The following ARHGEF28 variants were observed in gnomAD, a reference collection of about 807,000 sequenced individuals.
ARHGEF28 encodes the protein 190 kDa guanine nucleotide exchange factor.
In ARHGEF28, 152 loss-of-function variants were observed where a neutral mutation model predicts 206.6. The observed-to-expected ratio is 0.74, with a 90% confidence interval of 0.64 to 0.84. The LOEUF is 0.84. Among genes scored for constraint, ARHGEF28 ranks in the 40% least tolerant of loss-of-function variants. The probability of loss-of-function intolerance (pLI) is 0.00; values close to 1 mark genes in which losing one functional copy is unlikely to be tolerated. For missense variants in ARHGEF28, 2,028 were observed against 2,073.2 expected (o/e 0.98, Z 0.42); for synonymous variants, 763 against 776.4 (o/e 0.98, Z 0.29).
At chr5:73,893,790 G>A (rs1303169215) in intron 28 of ARHGEF28, among the ~76,000 whole-genome samples, 1 of 152,190 alleles carries the variant, frequency 6.6e-6, no homozygotes, top group Non-Finnish European at 1.5e-5. Context: ...TGTGGCAGGT[G>A]GGATGTAGAC....
At chr5:73,840,827 T>C in intron 11 of ARHGEF28, 67 bp downstream of exon 11, 3 of 1,472,256 alleles carry the variant, frequency 2.0e-6, no homozygotes, top group Middle Eastern at 2.2e-4. Context: ...ACTTCAAAAA[T>C]TCTAGTTTTA....
intron 10 of ARHGEF28, among the ~76,000 whole-genome samples, chr5:73,839,433 A>G (rs542504406): frequency 6.6e-6 from 1 of 152,190 alleles, no homozygotes; most frequent in South Asian, 2.1e-4. Context: ...TCACTGCTCT[A>G]TCTCTAAATG....
chr5:73,909,159 A>C, intron 33 of ARHGEF28: 2 of 378,114 alleles, frequency 5.3e-6, no homozygotes, highest in East Asian at 4.2e-5. Context: ...CCCACAGGAG[A>C]GGATGATATT....
At chr5:73,663,106 C>G (rs1349439623) in intron 1 of ARHGEF28, among the ~76,000 whole-genome samples, 1 of 152,180 alleles carries the variant, frequency 6.6e-6, no homozygotes, top group Non-Finnish European at 1.5e-5. Flanking sequence ...CAGGTGCACA[C>G]CACCACACCT....
chr5:73,899,269 T>C (rs1385669912), intron 30 of ARHGEF28: 1 of 152,194 alleles, frequency 6.6e-6, no homozygotes, highest in African/African-American at 2.4e-5. Flanking sequence ...TAAAAATACG[T>C]GCAGGGATCT....
chr5:73,746,675 G>T (rs1751737218), intron 2 of ARHGEF28, among the ~76,000 whole-genome samples: 1 of 151,982 alleles, frequency 6.6e-6, no homozygotes, highest in Admixed American at 6.5e-5. Flanking sequence ...GCATGTTTTT[G>T]CTCCTAATGG....
chr5:73,696,372 G>A (rs150247499), intron 2 of ARHGEF28, among the ~76,000 whole-genome samples: 55 of 152,268 alleles, frequency 3.6e-4, no homozygotes, highest in East Asian at 2.5e-3. Context: ...TTCCTGGCCA[G>A]GACCTTTGTA....
intron 11 of ARHGEF28, among the ~76,000 whole-genome samples, chr5:73,841,218 T>C (rs778248775): frequency 5.9e-5 from 9 of 152,164 alleles, no homozygotes; most frequent in African/African-American, 4.8e-5. Context: ...AACTTATATA[T>C]AGTTACACAA....
Position 73,873,236 on chromosome 5 carries a change from T to C in ARHGEF28, c.2804T>C (p.Leu935Ser). The C allele has an allele frequency of 1.2e-6, 2 of 1,610,280 alleles. No individual in the cohort carries two copies. Among genetic ancestry groups the C allele is most frequent in the Non-Finnish European group, 1.7e-6 (2 of 1,177,972 alleles). The change falls in exon 22 of 36, where the codon TTG becomes TCG. Residue 935 changes from leucine (L) to serine (S), a missense_variant. Around this residue, in one of 3 missense-constraint regions of ARHGEF28, gnomAD observed 223 missense variants for 289.9 expected, o/e 0.77. Coordinates refer to ENST00000513042, the MANE Select transcript of ARHGEF28 (RefSeq NM_001177693.2). ...NFVIDRIGDI[L>S]VQQFSEENAS... Reference sequence around the variant, plus strand: ...GTGATCGACCGAATTGGAGATATTTTGGTACAACAGGTAAGAAGAGCTTAA... The same window carrying C: ...GTGATCGACCGAATTGGAGATATTTCGGTACAACAGGTAAGAAGAGCTTAA...
intron 1 of ARHGEF28, among the ~76,000 whole-genome samples, chr5:73,633,125 C>CTAATGTTA (rs1164691421): frequency 6.6e-6 from 1 of 152,086 alleles, no homozygotes; most frequent in Non-Finnish European, 1.5e-5. Flanking sequence ...CTATGAGAAT[C>CTAATGTTA]TAATGTTGCC....
At chr5:73,854,863 AC>A in intron 14 of ARHGEF28, among the ~76,000 whole-genome samples, 1 of 152,036 alleles carries the variant, frequency 6.6e-6, no homozygotes, top group African/African-American at 2.4e-5. Context: ...AACAACAACA[AC>A]AACAAAAAAA....
chr5:73,806,068 G>A lies in ARHGEF28; in HGVS notation c.1024+10677G>A, dbSNP rs559319550. On this transcript the variant is annotated intron_variant, in intron 9 of 35. Transcript: ENST00000513042. ...CTCATAGTTAACTTATTTACATGTG[G>A]ATAACAATATAAAATAGTTAACTTA... 2.1e-3 allele frequency among the ~76,000 whole-genome samples: 320 copies of A among 150,994 alleles called. 1 individual carries two copies. Among genetic ancestry groups the A allele is most frequent in the Non-Finnish European group, 3.9e-3 (266 of 67,748 alleles).
chr5:73,781,705 C>T (rs1276649457), intron 7 of ARHGEF28, among the ~76,000 whole-genome samples: 1 of 152,106 alleles, frequency 6.6e-6, no homozygotes, highest in African/African-American at 2.4e-5. Flanking sequence ...ATTGCGTCTC[C>T]TAGGGTATTT....
intron 13 of ARHGEF28, among the ~76,000 whole-genome samples, chr5:73,849,868 A>C (rs1758591324): frequency 6.6e-6 from 1 of 152,004 alleles, no homozygotes; most frequent in African/African-American, 2.4e-5. Context: ...GAAAGTATTC[A>C]TGCCAATGCA....
intron 9 of ARHGEF28, among the ~76,000 whole-genome samples, chr5:73,801,491 C>T (rs1206183757): frequency 2.6e-5 from 4 of 151,644 alleles, no homozygotes; most frequent in African/African-American, 9.7e-5. Flanking sequence ...TGAAGAGGAT[C>T]TTAAGCATGG....
intron 16 of ARHGEF28, among the ~76,000 whole-genome samples, chr5:73,864,146 C>T (rs1759562639): frequency 6.6e-6 from 1 of 152,106 alleles, no homozygotes; most frequent in Non-Finnish European, 1.5e-5. Context: ...CAACCAGTGC[C>T]CACATAGTGC....
At chr5:73,911,204 G>C in intron 34 of ARHGEF28, 71 bp from the exon 35 acceptor site, 1 of 1,371,620 alleles carries the variant, frequency 7.3e-7, no homozygotes, top group East Asian at 2.5e-5. Flanking sequence ...GATTCTCTCA[G>C]GAATAAATAC....
chr5:73,727,980 G>A (rs143792593), intron 2 of ARHGEF28, among the ~76,000 whole-genome samples: 220 of 152,198 alleles, frequency 1.4e-3, no homozygotes, highest in African/African-American at 5.1e-3. Context: ...TCCTTTCCAC[G>A]TCAATGCTAT....
intron 2 of ARHGEF28, among the ~76,000 whole-genome samples, chr5:73,718,388 G>T (rs1206814320): frequency 1.3e-5 from 2 of 152,122 alleles, no homozygotes; most frequent in African/African-American, 4.8e-5. Context: ...GGTCTTGCAT[G>T]CTCATTTACT....
Sources: allele counts gnomAD v4.1 joint callset (sites outside exome capture counted in the v4.1 genomes callset), GRCh38; gene constraint gnomAD v4.1.1; regional missense constraint gnomAD v4.1.1; transcripts MANE v1.5; gene names NCBI Gene and HGNC (gene_info 2026-07-23, HGNC 2026-07-21).